The following GANAB variants were observed in gnomAD, a reference collection of about 807,000 sequenced individuals.
The protein encoded by GANAB is neutral alpha-glucosidase AB.
A neutral mutation model predicts 129.9 loss-of-function variants in GANAB; 35 were observed. That is an observed-to-expected ratio of 0.27 (90% CI 0.21 to 0.36). The LOEUF (loss-of-function observed/expected upper bound fraction) is 0.36, where lower values mean the gene tolerates loss of function less well. Among genes scored for constraint, GANAB ranks in the 10% least tolerant of loss-of-function variants. The pLI is 1.00. For synonymous variants in GANAB, 482 were observed against 451.8 expected, an observed-to-expected ratio of 1.07 and a Z score of -0.85; for missense variants, 939 against 1,221.0, an observed-to-expected ratio of 0.77 and a Z score of 3.44.
chr11:62,639,549 G>A (rs1944125251), intron 2 of GANAB, 78 bp downstream of exon 2: 1 of 1,417,186 alleles, frequency 7.1e-7, no homozygotes, highest in African/African-American at 1.4e-5. Context: ...GTGTCCTTAG[G>A]CACTCCATCT....
intron 1 of GANAB, among the ~76,000 whole-genome samples, chr11:62,643,473 A>G (rs1468879786): frequency 6.6e-6 from 1 of 152,096 alleles, no homozygotes; most frequent in East Asian, 1.9e-4. Context: ...CCCCGTCTCT[A>G]CTAAAAATAC....
intron 1 of GANAB, among the ~76,000 whole-genome samples, chr11:62,645,710 G>A (rs1258277982): frequency 6.6e-6 from 1 of 152,130 alleles, no homozygotes; most frequent in East Asian, 1.9e-4. Context: ...ACCACCCCAA[G>A]AGAGGTGTTC....
In GANAB at chr11:62,627,038, C is replaced by A. The variant is rs1392266467; in HGVS notation, c.2322+10G>T. The A allele has an allele frequency of 2.5e-6, 4 of 1,611,714 alleles. No homozygotes were observed. Among genetic ancestry groups the A allele is most frequent in the Non-Finnish European group, 3.4e-6 (4 of 1,177,810 alleles). On this transcript the variant is annotated intron_variant, in intron 19 of 23. Transcript: ENST00000356638. ...ACCATCTTTCCCCACCATGCCCTTCCTTAACTCACCTCCCCTTGGCCAGGC... is the reference window on the plus strand; with the variant it reads ...ACCATCTTTCCCCACCATGCCCTTCATTAACTCACCTCCCCTTGGCCAGGC...
In GANAB at chr11:62,625,919, G is replaced by C; in HGVS notation, c.2731C>G (p.Pro911Ala). The change falls in exon 24 of 24, where the codon CCA (proline) becomes GCA (alanine). Residue 911 changes from proline (P) to alanine (A), a missense_variant. This residue lies in a region of GANAB where 230 missense variants were observed against 259.9 expected (regional missense o/e 0.89). Coordinates refer to ENST00000356638, the MANE Select transcript of GANAB (RefSeq NM_198334.3). ...TGCTGGAAGGACAGGCGGCTTTCTG[G>C]AGATCCTGGAGGAGGAATAAAAGAG... Reference protein sequence around the residue: ...AAVVLQTKGSPESRLSFQHDP... With the variant: ...AAVVLQTKGSAESRLSFQHDP... 1 of 1,607,114 alleles carries C rather than the reference G, an allele frequency of 6.2e-7. No individual in the cohort carries two copies. Among genetic ancestry groups the C allele is most frequent in the South Asian group, 1.1e-5 (1 of 90,932 alleles).
At chr11:62,629,760 A>T in intron 14 of GANAB, 54 bp downstream of exon 14, 1 of 1,609,060 alleles carries the variant, frequency 6.2e-7, no homozygotes, top group Non-Finnish European at 8.5e-7. Flanking sequence ...CTAGGCCCTC[A>T]GTCTCTGGGC....
At chr11:62,628,630 C>T in intron 17 of GANAB, 139 bp downstream of exon 17, 1 of 834,526 alleles carries the variant, frequency 1.2e-6, no homozygotes. Flanking sequence ...CATTAAGCTC[C>T]CCTTCACTCT....
chr11:62,644,869 A>G (rs768265435), intron 1 of GANAB, among the ~76,000 whole-genome samples: 4 of 152,076 alleles, frequency 2.6e-5, no homozygotes, highest in East Asian at 1.9e-4. Flanking sequence ...TTGACAACCT[A>G]TAATAAGGTA....
chr11:62,628,205 C>CTTTTTTTTT (rs58757640), intron 17 of GANAB, among the ~76,000 whole-genome samples: 2 of 98,412 alleles, frequency 2.0e-5, no homozygotes, highest in Admixed American at 1.4e-4. Context: ...CTTCTCAAAA[C>CTTTTTTTTT]TTTTTTTTTT....
In GANAB at chr11:62,625,029, C is replaced by T; in HGVS notation, c.*786G>A. On this transcript the variant is annotated 3_prime_UTR_variant, in exon 24 of 24. Transcript: ENST00000356638. Reference sequence around the variant, plus strand: ...CTCAGGCTTCTCCTAGCAATAAATACAGGTGACCATGATTCACTGAAACCA... The same window carrying T: ...CTCAGGCTTCTCCTAGCAATAAATATAGGTGACCATGATTCACTGAAACCA... 3.1e-6 allele frequency: 1 copy of T among 320,972 alleles called. No individual in the cohort carries two copies. The highest frequency in any genetic ancestry group is 1.1e-3 in the Middle Eastern group (1 of 884). The allele number at this position is 320,972 out of a possible 1,614,324, so 19.9% of individuals were successfully genotyped here.
intron 20 of GANAB, 49 bp downstream of exon 20, chr11:62,626,811 T>A: frequency 6.9e-7 from 1 of 1,450,230 alleles, no homozygotes; most frequent in Non-Finnish European, 9.6e-7. Context: ...CCTCCCCTTC[T>A]GGAAATTTAC....
At chr11:62,633,635 G>C in intron 5 of GANAB, 121 bp from the exon 6 acceptor site, 1 of 828,632 alleles carries the variant, frequency 1.2e-6, no homozygotes, top group Non-Finnish European at 2.0e-6. Flanking sequence ...TGGAGGAAGG[G>C]ACTAAATGTT....
In GANAB at chr11:62,625,608, A is replaced by G; in HGVS notation, c.*207T>C. ...GGGGGAATGAAGGGAAAGAGTTGGT[A>G]TCAATGGAGTGGGAGAGGTGAGGAG... On this transcript the variant is annotated 3_prime_UTR_variant, in exon 24 of 24. Transcript: ENST00000356638. 1 of 584,842 alleles carries G rather than the reference A, an allele frequency of 1.7e-6. No individual in the cohort carries two copies. Among genetic ancestry groups the G allele is most frequent in the Non-Finnish European group, 3.1e-6 (1 of 326,712 alleles). 36.2% of individuals were successfully genotyped at this position (584,842 alleles called of 1,614,324 possible).
At position 62,639,514 on chromosome 11, in the gene GANAB, T is replaced by C. The variant is rs374419843; in HGVS notation, c.144-47A>G. ...AGTAAGGTAAAGGCCACCTGCAATGTCCCTAAGTCAGTCTATCACCTGCAG... is the reference window on the plus strand; with the variant it reads ...AGTAAGGTAAAGGCCACCTGCAATGCCCCTAAGTCAGTCTATCACCTGCAG... On this transcript the variant is annotated intron_variant, in intron 2 of 23. Coordinates refer to ENST00000356638, the MANE Select transcript of GANAB (RefSeq NM_198334.3). The C allele has an allele frequency of 2.1e-4, 310 of 1,499,276 alleles. 1 individual carries two copies. Among genetic ancestry groups the C allele is most frequent in the Admixed American group, 6.0e-4 (36 of 59,824 alleles). 92.9% of individuals were successfully genotyped at this position (1,499,276 alleles called of 1,614,324 possible).
At chr11:62,642,798 T>C (rs751461074) in intron 1 of GANAB, among the ~76,000 whole-genome samples, 13 of 152,148 alleles carry the variant, frequency 8.5e-5, no homozygotes, top group Non-Finnish European at 1.8e-4. Flanking sequence ...AACCACTTCT[T>C]TACATGCATC....
At chr11:62,636,940 TATATA>T (rs1258863747) in intron 4 of GANAB, among the ~76,000 whole-genome samples, 5 of 151,812 alleles carry the variant, frequency 3.3e-5, no homozygotes, top group South Asian at 2.1e-4. Flanking sequence ...AATATATATA[TATATA>T]TTTTTTTCTG....
chr11:62,639,383 G>A lies in GANAB; in HGVS notation c.228C>T (p.Val76=), dbSNP rs896960078. The change falls in exon 3 of 24, where the codon GTC becomes GTT. Residue 76 remains valine, a synonymous_variant. Transcript: ENST00000356638. ...SLQLGPDSLT[V]HLIHEVTKVL... is the part of the protein sequence containing the mutation. The stretch of plus-strand genomic sequence containing the variant: ...CCTTGGTGACCTCATGGATCAGATG[G>A]ACCGTGAGGGAATCAGGACCAAGCT... 2 of 1,610,106 alleles carry A rather than the reference G, an allele frequency of 1.2e-6. No individual in the cohort carries two copies. Among genetic ancestry groups the A allele is most frequent in the Admixed American group, 3.3e-5 (2 of 59,952 alleles).
Position 62,626,585 on chromosome 11 carries a change from C to A in GANAB, c.2497G>T (p.Ala833Ser). ...TATGCACTTACCTGAGGGCTAAGTG[C>A]AACAAAGAGAGTGATGGGGTCATCC... The part of the protein sequence containing the change: ...MKDDPITLFV[A>S]LSPQGTAQGE... Residue 833 changes from alanine (A) to serine (S), a missense_variant, in exon 21 of 24, where the codon GCA becomes TCA. Transcript: ENST00000356638. 6.2e-7 allele frequency: 1 copy of A among 1,607,444 alleles called. No individual in the cohort carries two copies. Among genetic ancestry groups the A allele is most frequent in the Non-Finnish European group, 8.5e-7 (1 of 1,174,080 alleles).
At chr11:62,640,390 G>C (rs534189182) in intron 1 of GANAB, among the ~76,000 whole-genome samples, 1 of 141,840 alleles carries the variant, frequency 7.1e-6, no homozygotes, top group Non-Finnish European at 1.5e-5. Flanking sequence ...AAAATTAGCC[G>C]GGCGTGGTGG....
Position 62,630,512 on chromosome 11 carries a change from G to A in GANAB, c.1387-7C>T, listed in dbSNP as rs1943619854. 1 of 1,614,054 alleles carries A rather than the reference G, an allele frequency of 6.2e-7. No individual in the cohort carries two copies. The highest frequency in any genetic ancestry group is 1.3e-5 in the African/African-American group (1 of 74,924). On this transcript the variant is annotated splice_region_variant and splice_polypyrimidine_tract_variant and intron_variant, in intron 11 of 23. Transcript: ENST00000356638. ...GGTCTACGATGGCCACCAGCTGGGG[G>A]CAAGGAACAGGGGTGTTCAGGTCTC...
Sources: gnomAD v4.1 joint callset for allele counts (sites outside exome capture counted in the v4.1 genomes callset) on GRCh38, gnomAD v4.1.1 for gene constraint, gnomAD v4.1.1 regional missense constraint, MANE v1.5 for transcripts, NCBI Gene and HGNC (gene_info 2026-07-23, HGNC 2026-07-21) for gene names.